ITGA11: variants seen among roughly 807,000 people sequenced by gnomAD.
ITGA11 encodes integrin alpha-11.
Under a neutral mutation model 141.9 loss-of-function variants are expected in ITGA11, and 97 were observed. That is an observed-to-expected ratio of 0.68 (90% CI 0.58 to 0.81). The LOEUF is 0.81. ITGA11 is among the 30% of genes least tolerant of loss of function. The pLI, the probability that ITGA11 is intolerant of heterozygous loss-of-function variation, is 0.00. For synonymous variants in ITGA11, 658 were observed against 624.6 expected, an observed-to-expected ratio of 1.05 and a Z score of -0.80; for missense variants, 1,387 against 1,559.2, an observed-to-expected ratio of 0.89 and a Z score of 1.86.
intron 7 of ITGA11, among the ~76,000 whole-genome samples, chr15:68,356,919 C>A (rs1342413552): frequency 6.6e-6 from 1 of 152,108 alleles, no homozygotes; most frequent in Non-Finnish European, 1.5e-5. Context: ...AACTGACAGC[C>A]ACGTGAGAAC....
intron 12 of ITGA11, among the ~76,000 whole-genome samples, chr15:68,334,401 C>T (rs925046822): frequency 6.6e-6 from 1 of 152,186 alleles, no homozygotes; most frequent in Non-Finnish European, 1.5e-5. Context: ...GGCCGGTCAC[C>T]TGGTCACTGC....
rs377683698 is a variant in ITGA11 at position 68,321,004 on chromosome 15, C to G, written c.2408+414G>C. The stretch of plus-strand genomic sequence containing the variant: ...CCCTGCTCACCCTCGGCTGGTGTCC[C>G]TGGCATCTTTCCATCAGAAGGATTG... On this transcript the variant is annotated intron_variant, in intron 19 of 29. Transcript: ENST00000315757. This position sits in a 1 kb window ranked among gnomAD's most constrained non-coding sequence, Gnocchi z 4.9. Among the ~76,000 whole-genome samples the G allele has an allele frequency of 8.5e-5, 13 of 152,116 alleles. No individual in the cohort carries two copies. The highest frequency in any genetic ancestry group is 1.3e-4 in the Non-Finnish European group (9 of 68,030).
chr15:68,297,432 C>CTTTTTTT lies in ITGA11; in HGVS notation c.*5620_*5626dup, dbSNP rs35780086. ...ATCTGTACAGTTCTGCACTTCTGAG[C>CTTTTTTT]TTTTTTTTTTTTTTTTTTTTTATCC... On this transcript the variant is annotated 3_prime_UTR_variant, in exon 30 of 30. Transcript: ENST00000315757. The CTTTTTTT allele has an allele frequency of 3.1e-5, 3 of 95,816 alleles. No individual in the cohort carries two copies. The highest frequency in any genetic ancestry group is 6.1e-5 in the Non-Finnish European group (3 of 49,436). 5.9% of individuals were successfully genotyped at this position (95,816 alleles called of 1,614,324 possible).
chr15:68,387,962 G>C (rs1479653642), intron 2 of ITGA11, among the ~76,000 whole-genome samples: 2 of 151,996 alleles, frequency 1.3e-5, no homozygotes, highest in Non-Finnish European at 2.9e-5. Context: ...GCTGAATGGA[G>C]CTCTCCTGAT....
Position 68,303,040 on chromosome 15 carries a change from C to CA in ITGA11, c.*18dup. ...ACTGGTGTCCTGGCCCCCATCAACT[C>CA]AAAGTCTCCTCTGGAGCCTCACTCC... On this transcript the variant is annotated 3_prime_UTR_variant, in exon 30 of 30. Coordinates refer to ENST00000315757, the MANE Select transcript of ITGA11 (RefSeq NM_001004439.2). This position sits in a 1 kb window ranked among gnomAD's most constrained non-coding sequence, Gnocchi z 5.3. 11 of 1,545,086 alleles carry CA rather than the reference C, an allele frequency of 7.1e-6. No homozygotes were observed. The highest frequency in any genetic ancestry group is 9.6e-6 in the Non-Finnish European group (11 of 1,143,750).
At chr15:68,363,502 A>C (rs1895317732) in intron 4 of ITGA11, among the ~76,000 whole-genome samples, 1 of 152,178 alleles carries the variant, frequency 6.6e-6, no homozygotes, top group African/African-American at 2.4e-5. Context: ...CTATGCACTC[A>C]AGTCCCCTTG....
intron 2 of ITGA11, among the ~76,000 whole-genome samples, chr15:68,374,766 C>T (rs1895686304): frequency 6.6e-6 from 1 of 152,220 alleles, no homozygotes; most frequent in Non-Finnish European, 1.5e-5. Context: ...GCATGGACTG[C>T]CCAGGAAGGG....
At chr15:68,374,264 C>A (rs1895671225) in intron 2 of ITGA11, among the ~76,000 whole-genome samples, 1 of 152,234 alleles carries the variant, frequency 6.6e-6, no homozygotes, top group Non-Finnish European at 1.5e-5. Flanking sequence ...TTCCCCTGGC[C>A]TAGCCTTGTG....
Position 68,335,949 on chromosome 15 carries a change from G to C in ITGA11, c.1277-104C>G. On this transcript the variant is annotated intron_variant, in intron 11 of 29. Transcript: ENST00000315757. This position sits in a 1 kb window ranked among gnomAD's most constrained non-coding sequence, Gnocchi z 4.9. The stretch of plus-strand genomic sequence containing the variant: ...GTGCCAGAGGATGGGCCAGTGATGG[G>C]GTAGGTTCAGGGCTAGCTGAGCAGA... The C allele has an allele frequency of 7.6e-7, 1 of 1,321,258 alleles. No individual in the cohort carries two copies. The highest frequency in any genetic ancestry group is 1.0e-6 in the Non-Finnish European group (1 of 955,870). 81.8% of individuals were successfully genotyped at this position (1,321,258 alleles called of 1,614,324 possible). A position where few individuals can be genotyped will look rare whatever the true frequency, so the allele number is the denominator to read the frequency against.
At chr15:68,390,811 A>C (rs1896101052) in intron 2 of ITGA11, among the ~76,000 whole-genome samples, 1 of 152,210 alleles carries the variant, frequency 6.6e-6, no homozygotes, top group African/African-American at 2.4e-5. Flanking sequence ...ATGGGCAAAT[A>C]GAGGTTCGGG....
chr15:68,383,018 T>C (rs1021474058), intron 2 of ITGA11, among the ~76,000 whole-genome samples: 1 of 152,164 alleles, frequency 6.6e-6, no homozygotes, highest in African/African-American at 2.4e-5. Context: ...ACGCCTGTAA[T>C]CTCAGCACTT....
At chr15:68,360,352 T>C (rs922332032) in intron 5 of ITGA11, among the ~76,000 whole-genome samples, 2 of 152,244 alleles carry the variant, frequency 1.3e-5, no homozygotes, top group African/African-American at 2.4e-5. Flanking sequence ...AATGCATTTA[T>C]TATTGTTGAT....
chr15:68,316,091 A>G (rs1321697451), intron 21 of ITGA11, among the ~76,000 whole-genome samples: 1 of 152,170 alleles, frequency 6.6e-6, no homozygotes, highest in African/African-American at 2.4e-5. Flanking sequence ...TGATGGCAGG[A>G]AGGGCCGATG....
intron 2 of ITGA11, among the ~76,000 whole-genome samples, chr15:68,400,957 T>TATTATATAATAAATATTATAATATC (rs1896493885): frequency 2.7e-5 from 3 of 112,040 alleles, no homozygotes; most frequent in African/African-American, 1.2e-4. Flanking sequence ...ATTATAATAT[T>TATTATATAATAAATATTATAATATC]ATATATATTT....
In ITGA11 at chr15:68,303,982, TG is replaced by T. The variant is rs1893113131; in HGVS notation, c.3382-98del. On this transcript the variant is annotated intron_variant, in intron 28 of 29. Coordinates refer to ENST00000315757, the MANE Select transcript of ITGA11 (RefSeq NM_001004439.2). This position sits in a 1 kb window ranked among gnomAD's most constrained non-coding sequence, Gnocchi z 5.3. Reference sequence around the variant, plus strand: ...GAGGGTGGAGACAGCTGGCACCTGGTGGGGGAGCTGCATCCTCTTCCTCAGG... The same window carrying T: ...GAGGGTGGAGACAGCTGGCACCTGGTGGGGAGCTGCATCCTCTTCCTCAGG... 7.1e-6 allele frequency: 5 copies of T among 705,326 alleles called. No individual in the cohort carries two copies. The highest frequency in any genetic ancestry group is 6.9e-5 in the South Asian group (4 of 58,130). The allele number at this position is 705,326 out of a possible 1,614,324, so 43.7% of individuals were successfully genotyped here.
chr15:68,391,647 G>T (rs528075128), intron 2 of ITGA11, among the ~76,000 whole-genome samples: 3 of 152,314 alleles, frequency 2.0e-5, no homozygotes, highest in Non-Finnish European at 2.9e-5. Flanking sequence ...GGAGGGTAAG[G>T]TCATTTTAGG....
At chr15:68,421,591 C>T (rs1897018505) in intron 1 of ITGA11, among the ~76,000 whole-genome samples, 1 of 151,824 alleles carries the variant, frequency 6.6e-6, no homozygotes, top group African/African-American at 2.4e-5. Flanking sequence ...TTTTCTGTCC[C>T]CTGACCCCTC....
At chr15:68,331,179 A>G (rs2140302592) in intron 14 of ITGA11, 68 bp from the exon 15 acceptor site, 1 of 1,435,480 alleles carries the variant, frequency 7.0e-7, no homozygotes, top group African/African-American at 1.4e-5. Context: ...GTCCCCGAGC[A>G]GCAGGAACAA....
intron 10 of ITGA11, among the ~76,000 whole-genome samples, chr15:68,342,487 C>A (rs1235440903): frequency 6.6e-6 from 1 of 152,246 alleles, no homozygotes; most frequent in Non-Finnish European, 1.5e-5. Context: ...GTAGCCCTAG[C>A]ACCTGCAGTG....
Sources: allele counts gnomAD v4.1 joint callset (sites outside exome capture counted in the v4.1 genomes callset), GRCh38; gene constraint gnomAD v4.1.1; non-coding constraint Gnocchi (gnomAD v3.1); transcripts MANE v1.5; gene names NCBI Gene and HGNC (gene_info 2026-07-23, HGNC 2026-07-21).